The following FREM1 variants were observed in gnomAD, a reference collection of about 807,000 sequenced individuals.
The protein encoded by FREM1 is FRAS1 related extracellular matrix 1.
In FREM1, 220 loss-of-function variants were observed where a neutral mutation model predicts 210.1. The ratio of observed to expected loss-of-function variants is 1.05; its 90% CI spans 0.94 to 1.17. FREM1 has a LOEUF of 1.17. Ranked by LOEUF, FREM1 falls within the 50% of genes most tolerant of loss-of-function variation. The pLI is 0.00. For synonymous variants in FREM1, 1,189 were observed against 980.2 expected (o/e 1.21, Z -3.98); for missense variants, 3,454 against 2,675.5 (o/e 1.29, Z -6.42).
rs751544988 is a variant in FREM1 at position 14,747,380 on chromosome 9, G to A, written c.5893C>T (p.His1965Tyr). Residue 1965 changes from histidine (H) to tyrosine (Y), a missense_variant, in exon 33 of 37, where the codon CAC (histidine) becomes TAC (tyrosine). Physicochemically the swap from His to Tyr is moderately conservative, Grantham distance 83. Transcript: ENST00000380880. ...LKLEDDSFPT[H>Y]KRKAKVSIIS... The stretch of plus-strand genomic sequence containing the variant: ...ATGGATACTTTGGCCTTCCTTTTGT[G>A]AGTTGGGAAACTGTCATCCTCCAGT... 44 of 1,613,436 alleles carry A rather than the reference G, an allele frequency of 2.7e-5. No individual in the cohort carries two copies. Among genetic ancestry groups the A allele is most frequent in the Non-Finnish European group, 3.5e-5 (41 of 1,179,700 alleles).
At chr9:14,806,869 T>C (rs374530586) in intron 17 of FREM1, 23 bp from the exon 18 acceptor site, 55 of 1,500,674 alleles carry the variant, frequency 3.7e-5, no homozygotes, top group Non-Finnish European at 4.5e-5. Flanking sequence ...AAAAACACAA[T>C]TACAACTTAG....
intron 1 of FREM1, 49 bp from the exon 2 acceptor site, chr9:14,869,293 G>A: frequency 3.8e-6 from 1 of 264,648 alleles, no homozygotes; most frequent in Non-Finnish European, 7.2e-6. Context: ...AGACCAAAAG[G>A]TTTATGTGGC....
At chr9:14,803,696 T>C (rs1025454208) in intron 19 of FREM1, among the ~76,000 whole-genome samples, 2 of 152,044 alleles carry the variant, frequency 1.3e-5, no homozygotes, top group African/African-American at 4.8e-5. Flanking sequence ...TCACCCTCTC[T>C]TACTGACTTT....
At chr9:14,744,346 C>T (rs1587648461) in intron 35 of FREM1, among the ~76,000 whole-genome samples, 1 of 152,224 alleles carries the variant, frequency 6.6e-6, no homozygotes, top group East Asian at 1.9e-4. Flanking sequence ...TAACCACTTA[C>T]AATAAGACAT....
At chr9:14,817,449 A>C (rs571124484) in intron 14 of FREM1, among the ~76,000 whole-genome samples, 1 of 152,304 alleles carries the variant, frequency 6.6e-6, no homozygotes, top group East Asian at 1.9e-4. Context: ...AGACTTAAAA[A>C]ATACCTTTCC....
intron 24 of FREM1, 110 bp downstream of exon 24, chr9:14,784,260 A>G: frequency 1.0e-6 from 1 of 969,856 alleles, no homozygotes. Context: ...TGATGTTATA[A>G]GATACATGTA....
At chr9:14,778,780 C>T (rs996243812) in intron 24 of FREM1, among the ~76,000 whole-genome samples, 4 of 125,350 alleles carry the variant, frequency 3.2e-5, no homozygotes, top group African/African-American at 5.6e-5. Context: ...CGGTAGCTCA[C>T]GCCTATAGCT....
At chr9:14,856,599 T>C (rs1828776550) in intron 5 of FREM1, among the ~76,000 whole-genome samples, 1 of 152,058 alleles carries the variant, frequency 6.6e-6, no homozygotes, top group Non-Finnish European at 1.5e-5. Flanking sequence ...TTTGGGAGGG[T>C]GAGGCAGGTG....
rs764143108 is a variant in FREM1, at chr9:14,797,630, G to T, written c.3707C>A (p.Thr1236Lys). 2.5e-6 allele frequency: 4 copies of T among 1,610,374 alleles called. No individual in the cohort carries two copies. The highest frequency in any genetic ancestry group is 3.4e-6 in the Non-Finnish European group (4 of 1,177,998). The change falls in exon 21 of 37, where the codon ACG (threonine) becomes AAG (lysine). Residue 1236 changes from threonine to lysine, a missense_variant. By Grantham distance (78) the Thr-to-Lys change is moderately conservative. Transcript: ENST00000380880. ...GCTCTCTGAGTCATCATGCATGTACGTCAACCTCATTCCTGGAAGAAGGAA... is the reference window on the plus strand; with the variant it reads ...GCTCTCTGAGTCATCATGCATGTACTTCAACCTCATTCCTGGAAGAAGGAA... Reference protein sequence around the residue: ...MELLKTGMRLTYMHDDSESLA... With the variant: ...MELLKTGMRLKYMHDDSESLA...
At position 14,863,892 on chromosome 9, in the gene FREM1, G is replaced by A. The variant is rs766485109; in HGVS notation, c.246C>T (p.Cys82=). The part of the protein sequence containing the change: ...VGKLTPQVFD[C]HFLPNEVKYV... The stretch of plus-strand genomic sequence containing the variant: ...ACTTGACTTCGTTGGGAAGGAAATG[G>A]CAGTCAAAGACCTAGTTCACATGAA... Residue 82 remains cysteine (C), a synonymous_variant, in exon 3 of 37, where the codon TGC becomes TGT. Transcript: ENST00000380880. 12 of 1,604,942 alleles carry A rather than the reference G, an allele frequency of 7.5e-6. No individual in the cohort carries two copies. The Admixed American group carries it at 1.5e-4, about 20-fold the overall frequency.
intron 1 of FREM1, among the ~76,000 whole-genome samples, chr9:14,894,637 TC>T (rs1478185553): frequency 4.6e-5 from 7 of 152,206 alleles, no homozygotes; most frequent in Non-Finnish European, 8.8e-5. Flanking sequence ...ACGGTGCTAA[TC>T]CTTTGTTTTG....
intron 10 of FREM1, among the ~76,000 whole-genome samples, chr9:14,832,685 G>A (rs1823792022): frequency 6.6e-6 from 1 of 152,124 alleles, no homozygotes. Flanking sequence ...AGGGAACCCA[G>A]AAGCCTGATG....
At chr9:14,812,336 C>A (rs756978157) in intron 16 of FREM1, among the ~76,000 whole-genome samples, 13 of 152,158 alleles carry the variant, frequency 8.5e-5, no homozygotes, top group African/African-American at 3.1e-4. Context: ...TTGCTGTGGG[C>A]AAGTCATATA....
rs746604828 is a variant in FREM1 at position 14,747,078 on chromosome 9, A to G, written c.6010-27T>C. 9 of 1,612,716 alleles carry G rather than the reference A, an allele frequency of 5.6e-6. No individual in the cohort carries two copies. The Admixed American group carries it at 1.5e-4, about 27-fold the overall frequency. On this transcript the variant is annotated intron_variant, in intron 33 of 36. Transcript: ENST00000380880. ...TTTGGGAAGGAAAGGCAATTTAGCA[A>G]TTTAGAATTGACTTAAGGAAAGTTG...
At position 14,804,206 on chromosome 9, in the gene FREM1, C is replaced by T. The variant is rs1031068082; in HGVS notation, c.3471+750G>A. Among the ~76,000 whole-genome samples, 8 of 152,248 alleles carry T rather than the reference C, an allele frequency of 5.3e-5. No individual in the cohort carries two copies. In the South Asian group the frequency reaches 1.2e-3, roughly 24 times the overall value. On this transcript the variant is annotated intron_variant, in intron 19 of 36. Transcript: ENST00000380880. ...TATGGTTATCTAAAAAAAAATTATG[C>T]GAAGCTTAAAGTCTGCTTGCCCGTA... is the stretch of plus-strand genomic sequence containing the variant.
At chr9:14,772,783 G>A (rs1847819449) in intron 25 of FREM1, among the ~76,000 whole-genome samples, 1 of 152,176 alleles carries the variant, frequency 6.6e-6, no homozygotes, top group African/African-American at 2.4e-5. Flanking sequence ...GTTAGTGGAA[G>A]AAGAGGAAAA....
intron 2 of FREM1, among the ~76,000 whole-genome samples, chr9:14,864,533 G>C (rs1831165779): frequency 6.6e-6 from 1 of 152,320 alleles, no homozygotes; most frequent in Middle Eastern, 3.4e-3. Context: ...GAGAAAAACA[G>C]AAATCTAAAA....
intron 23 of FREM1, 81 bp downstream of exon 23, chr9:14,788,838 G>T (rs1273804797): frequency 3.8e-6 from 4 of 1,049,082 alleles, no homozygotes; most frequent in South Asian, 1.8e-5. Flanking sequence ...GGGAGGGAAA[G>T]AGAGAGAAAG....
chr9:14,775,076 T>A (rs1028401929), intron 25 of FREM1, among the ~76,000 whole-genome samples: 8 of 152,202 alleles, frequency 5.3e-5, no homozygotes, highest in Non-Finnish European at 1.2e-4. Context: ...CAACATCAAA[T>A]ATGTTTCAGG....
Sources: allele counts gnomAD v4.1 joint callset (sites outside exome capture counted in the v4.1 genomes callset), GRCh38; gene constraint gnomAD v4.1.1; transcripts MANE v1.5; gene names NCBI Gene and HGNC (gene_info 2026-07-23, HGNC 2026-07-21).